Variants in ADORA2B observed in about 807,000 individuals in gnomAD.
ADORA2B encodes the protein adenosine receptor A2b.
A neutral mutation model predicts 20.8 loss-of-function variants in ADORA2B; 18 were observed. The ratio of observed to expected loss-of-function variants is 0.87; its 90% CI spans 0.60 to 1.29. ADORA2B has a LOEUF of 1.29. Ranked by LOEUF, ADORA2B falls within the 50% of genes most tolerant of loss-of-function variation. ADORA2B has a pLI of 0.00. For synonymous variants in ADORA2B, 179 were observed against 178.3 expected, an observed-to-expected ratio of 1.00 and a Z score of -0.03; for missense variants, 441 against 422.7, an observed-to-expected ratio of 1.04 and a Z score of -0.38.
chr17:15,906,558 A>G, the ADORA2B span, among the ~76,000 whole-genome samples: 1 of 152,168 alleles, frequency 6.6e-6, no homozygotes, highest in Non-Finnish European at 1.5e-5. Flanking sequence ...ATTGGCCTAT[A>G]GTTTTCTTGT....
intron 1 of ADORA2B, among the ~76,000 whole-genome samples, chr17:15,953,824 G>A (rs1246450581): frequency 1.3e-5 from 2 of 152,182 alleles, no homozygotes; most frequent in African/African-American, 4.8e-5. Flanking sequence ...ACTGCACAGG[G>A]GGAAGCTGTA....
chr17:15,938,663 G>A, the ADORA2B span, among the ~76,000 whole-genome samples: 145,025 of 152,272 alleles, frequency 0.95, 69,300 homozygotes, highest in Non-Finnish European at 0.99. Context: ...TGGTGGGACA[G>A]TTCTTCATTG....
chr17:15,894,661 C>T, the ADORA2B span, among the ~76,000 whole-genome samples: 1 of 152,168 alleles, frequency 6.6e-6, no homozygotes, highest in Non-Finnish European at 1.5e-5. Context: ...ACAGAATCAG[C>T]TGGACTTAGT....
At chr17:15,907,117 G>C in the ADORA2B span, among the ~76,000 whole-genome samples, 8 of 152,108 alleles carry the variant, frequency 5.3e-5, no homozygotes, top group Non-Finnish European at 1.0e-4. Flanking sequence ...AAACCTTCAT[G>C]GTAAGGATTT....
chr17:15,956,211 A>T (rs1032934555), intron 1 of ADORA2B, among the ~76,000 whole-genome samples: 2 of 152,156 alleles, frequency 1.3e-5, no homozygotes, highest in African/African-American at 4.8e-5. Context: ...TTTGAAAAAC[A>T]TTTTTTAGAT....
chr17:15,870,264 C>T, the ADORA2B span, among the ~76,000 whole-genome samples: 2 of 144,716 alleles, frequency 1.4e-5, no homozygotes, highest in African/African-American at 5.3e-5. Context: ...CGTTTTTTCC[C>T]ATTAACTGCA....
the ADORA2B span, among the ~76,000 whole-genome samples, chr17:15,900,182 A>G: frequency 3.9e-5 from 6 of 152,026 alleles, no homozygotes; most frequent in Admixed American, 2.6e-4. Context: ...AGTTGATTCC[A>G]TGTCTTTGCT....
intron 1 of ADORA2B, among the ~76,000 whole-genome samples, chr17:15,956,987 G>C (rs1230766620): frequency 6.6e-6 from 1 of 152,186 alleles, no homozygotes; most frequent in Non-Finnish European, 1.5e-5. Flanking sequence ...TTTTAATCTG[G>C]AGTTTGATAT....
At chr17:15,951,991 G>A (rs1285588745) in intron 1 of ADORA2B, among the ~76,000 whole-genome samples, 1 of 152,246 alleles carries the variant, frequency 6.6e-6, no homozygotes, top group East Asian at 1.9e-4. Context: ...CTGGTGCCCT[G>A]GAGCAGCACA....
At chr17:15,964,888 C>A (rs191769822) in intron 1 of ADORA2B, among the ~76,000 whole-genome samples, 2 of 151,854 alleles carry the variant, frequency 1.3e-5, no homozygotes, top group Non-Finnish European at 2.9e-5. Flanking sequence ...GGTGAAACCC[C>A]GTCTCTACTA....
chr17:15,967,008 C>T (rs1258433206), intron 1 of ADORA2B, among the ~76,000 whole-genome samples: 4 of 152,128 alleles, frequency 2.6e-5, no homozygotes, highest in Admixed American at 6.5e-5. Flanking sequence ...GATGGACAAA[C>T]GCATGCAGAC....
chr17:15,892,183 T>C, the ADORA2B span, among the ~76,000 whole-genome samples: 100 of 149,506 alleles, frequency 6.7e-4, 1 homozygote, highest in South Asian at 0.019. Flanking sequence ...TGAGACAGAG[T>C]TTGAGATAGA....
chr17:15,872,768 G>T, the ADORA2B span, among the ~76,000 whole-genome samples: 1 of 152,148 alleles, frequency 6.6e-6, no homozygotes, highest in Non-Finnish European at 1.5e-5. Context: ...CCTGAGACTT[G>T]ACTGTATTTG....
At chr17:15,938,464 G>A in the ADORA2B span, among the ~76,000 whole-genome samples, 8 of 151,668 alleles carry the variant, frequency 5.3e-5, no homozygotes, top group Admixed American at 3.9e-4. Flanking sequence ...CACCACGCCC[G>A]GCTAATGTTT....
chr17:15,926,499 T>G, the ADORA2B span, among the ~76,000 whole-genome samples: 2 of 151,314 alleles, frequency 1.3e-5, no homozygotes, highest in South Asian at 2.1e-4. Flanking sequence ...GAGAGCTTGA[T>G]GGGTGGGCAC....
At chr17:15,916,049 T>C in the ADORA2B span, among the ~76,000 whole-genome samples, 1 of 152,190 alleles carries the variant, frequency 6.6e-6, no homozygotes, top group Non-Finnish European at 1.5e-5. Flanking sequence ...CACGGGTCAC[T>C]AACCAGTCAG....
At chr17:15,894,331 G>T in the ADORA2B span, among the ~76,000 whole-genome samples, 1 of 152,254 alleles carries the variant, frequency 6.6e-6, no homozygotes, top group Non-Finnish European at 1.5e-5. Context: ...GTGAGAGTCA[G>T]TGACAGGGAT....
intron 1 of ADORA2B, among the ~76,000 whole-genome samples, chr17:15,955,761 C>A (rs1356344647): frequency 6.6e-6 from 1 of 150,714 alleles, no homozygotes; most frequent in Non-Finnish European, 1.5e-5. Flanking sequence ...TTCTGTCACC[C>A]AGGCTGGAGT....
At chr17:15,905,890 G>C in the ADORA2B span, among the ~76,000 whole-genome samples, 2 of 151,218 alleles carry the variant, frequency 1.3e-5, no homozygotes, top group South Asian at 2.1e-4. Context: ...TCCTGACCTC[G>C]TGATCTGCCC....
Sources: allele counts gnomAD v4.1 joint callset (sites outside exome capture counted in the v4.1 genomes callset), GRCh38; gene constraint gnomAD v4.1.1; transcripts MANE v1.5; gene names NCBI Gene and HGNC (gene_info 2026-07-23, HGNC 2026-07-21).